SNTG1: variants seen among roughly 807,000 people sequenced by gnomAD.
The protein encoded by SNTG1 is syntrophin gamma 1.
In SNTG1, 39 loss-of-function variants were observed where a neutral mutation model predicts 74.7. The observed-to-expected ratio is 0.52, with a 90% CI of 0.40 to 0.68. The LOEUF (loss-of-function observed/expected upper bound fraction) is 0.68. Ranked by LOEUF, SNTG1 falls within the 30% of genes least tolerant of loss-of-function variation. SNTG1 has a pLI of 0.00. For missense variants in SNTG1, 685 were observed against 609.5 expected (o/e 1.12, Z -1.30); for synonymous variants, 254 against 217.1 (o/e 1.17, Z -1.49).
At chr8:50,632,900 C>T (rs1342995796) in intron 13 of SNTG1, among the ~76,000 whole-genome samples, 1 of 152,116 alleles carries the variant, frequency 6.6e-6, no homozygotes, top group Non-Finnish European at 1.5e-5. Context: ...TTCAAGAATA[C>T]CGTGTCTTCT....
chr8:50,188,368 G>A (rs2083456627), intron 2 of SNTG1, among the ~76,000 whole-genome samples: 1 of 152,088 alleles, frequency 6.6e-6, no homozygotes, highest in Non-Finnish European at 1.5e-5. Flanking sequence ...TCCACGTTCT[G>A]CCCACTGGGA....
intron 2 of SNTG1, among the ~76,000 whole-genome samples, chr8:50,282,423 T>G (rs1347499415): frequency 1.3e-5 from 2 of 152,150 alleles, no homozygotes; most frequent in Non-Finnish European, 2.9e-5. Context: ...TCTTTAACTC[T>G]TACACCTATA....
intron 1 of SNTG1, 79 bp from the exon 2 acceptor site, chr8:50,172,482 A>T (rs2082841119): frequency 1.3e-5 from 2 of 152,156 alleles, no homozygotes; most frequent in South Asian, 4.1e-4. Context: ...GGTAAAGTAG[A>T]TACATTTCGG....
At chr8:50,281,265 G>T (rs1196033889) in intron 2 of SNTG1, among the ~76,000 whole-genome samples, 4 of 152,134 alleles carry the variant, frequency 2.6e-5, no homozygotes, top group African/African-American at 9.7e-5. Context: ...AGTTGTGCCT[G>T]AACACCAAAG....
chr8:50,695,186 A>C (rs13265428), intron 15 of SNTG1, among the ~76,000 whole-genome samples: 2 of 151,266 alleles, frequency 1.3e-5, no homozygotes, highest in Non-Finnish European at 3.0e-5. Flanking sequence ...GTAAAAAAAA[A>C]CCCAAGATCC....
chr8:50,600,680 CT>C (rs2094766322), intron 13 of SNTG1, among the ~76,000 whole-genome samples: 1 of 151,680 alleles, frequency 6.6e-6, no homozygotes, highest in Admixed American at 6.6e-5. Context: ...GTTCTTCTTT[CT>C]TTTTTTCTTA....
intron 1 of SNTG1, among the ~76,000 whole-genome samples, chr8:49,928,470 A>T (rs1041090717): frequency 2.0e-5 from 3 of 151,950 alleles, no homozygotes; most frequent in African/African-American, 4.8e-5. Flanking sequence ...ACCTCAGGTG[A>T]TCCTCCCACC....
At chr8:50,304,428 T>A (rs2089787780) in intron 2 of SNTG1, among the ~76,000 whole-genome samples, 1 of 152,154 alleles carries the variant, frequency 6.6e-6, no homozygotes, top group African/African-American at 2.4e-5. Flanking sequence ...TACAGCTTCT[T>A]TTGAATTAAT....
intron 8 of SNTG1, chr8:50,491,327 A>C (rs1479843952): frequency 6.6e-6 from 1 of 152,306 alleles, no homozygotes; most frequent in Non-Finnish European, 1.5e-5. Flanking sequence ...ACAAGTACTT[A>C]AGTTGTACAC....
At chr8:50,115,588 C>CAAAAAAAAAAAG (rs1554580692) in intron 1 of SNTG1, among the ~76,000 whole-genome samples, 1 of 48,550 alleles carries the variant, frequency 2.1e-5, no homozygotes, top group African/African-American at 4.3e-5. Flanking sequence ...AAAAAAAAAA[C>CAAAAAAAAAAAG]GAGATGGTTG....
chr8:50,711,575 C>T (rs1015873818), intron 17 of SNTG1, among the ~76,000 whole-genome samples: 1 of 152,036 alleles, frequency 6.6e-6, no homozygotes, highest in African/African-American at 2.4e-5. Context: ...GAATGAGAGT[C>T]GGCATGATTT....
chr8:50,033,009 G>T (rs191707323), intron 1 of SNTG1, among the ~76,000 whole-genome samples: 196 of 146,646 alleles, frequency 1.3e-3, no homozygotes, highest in Middle Eastern at 7.0e-3. Context: ...TCCTCTTTCA[G>T]TTTTTTTTTT....
intron 1 of SNTG1, among the ~76,000 whole-genome samples, chr8:50,001,377 G>A (rs547028350): frequency 7.9e-4 from 120 of 152,162 alleles, no homozygotes; most frequent in African/African-American, 2.6e-3. Flanking sequence ...CTTTTAGGGG[G>A]CTTATGGTGA....
At chr8:50,670,055 G>T (rs917726220) in intron 15 of SNTG1, among the ~76,000 whole-genome samples, 30 of 152,192 alleles carry the variant, frequency 2.0e-4, no homozygotes, top group African/African-American at 7.0e-4. Flanking sequence ...AATAATAAGA[G>T]CTGTCTATGA....
chr8:50,764,792 A>C (rs978956958), intron 18 of SNTG1, among the ~76,000 whole-genome samples: 2 of 151,980 alleles, frequency 1.3e-5, no homozygotes, highest in Non-Finnish European at 2.9e-5. Flanking sequence ...TATGCAAATG[A>C]TTTGAAATAA....
At chr8:50,129,255 G>T (rs573071558) in intron 1 of SNTG1, among the ~76,000 whole-genome samples, 7 of 151,986 alleles carry the variant, frequency 4.6e-5, no homozygotes, top group Non-Finnish European at 1.0e-4. Context: ...CACGCTGCCC[G>T]ATCATTCAGA....
At chr8:50,448,832 A>G (rs1292643222) in intron 5 of SNTG1, among the ~76,000 whole-genome samples, 1 of 152,082 alleles carries the variant, frequency 6.6e-6, no homozygotes, top group Non-Finnish European at 1.5e-5. Context: ...CAGGAGATGG[A>G]AACTATCCTG....
chr8:50,781,217 A>G (rs993146187), intron 18 of SNTG1, among the ~76,000 whole-genome samples: 1 of 152,080 alleles, frequency 6.6e-6, no homozygotes, highest in Non-Finnish European at 1.5e-5. Flanking sequence ...ATGTCTATTA[A>G]GTCCACTTGG....
At chr8:49,978,007 T>C (rs1181778055) in intron 1 of SNTG1, among the ~76,000 whole-genome samples, 1 of 152,206 alleles carries the variant, frequency 6.6e-6, no homozygotes, top group Non-Finnish European at 1.5e-5. Context: ...TACAGATGCC[T>C]GGAGGATCAT....
Sources: allele counts gnomAD v4.1 joint callset (sites outside exome capture counted in the v4.1 genomes callset), GRCh38; gene constraint gnomAD v4.1.1; transcripts MANE v1.5; gene names NCBI Gene and HGNC (gene_info 2026-07-23, HGNC 2026-07-21).